PDK1: variants seen among roughly 807,000 people sequenced by gnomAD.
The protein encoded by PDK1 is pyruvate dehydrogenase kinase 1.
A neutral mutation model predicts 54.2 loss-of-function variants in PDK1; 39 were observed. The observed-to-expected ratio is 0.72, with a 90% CI of 0.56 to 0.94. The LOEUF is 0.94. PDK1 is among the 40% of genes least tolerant of loss of function. The pLI, the probability that PDK1 is intolerant of heterozygous loss-of-function variation, is 0.00. For synonymous variants in PDK1, 221 were observed against 207.1 expected, an observed-to-expected ratio of 1.07 and a Z score of -0.58; for missense variants, 552 against 566.0, an observed-to-expected ratio of 0.98 and a Z score of 0.25.
chr2:172,651,577 T>A, the PDK1 span, among the ~76,000 whole-genome samples: 1 of 152,028 alleles, frequency 6.6e-6, no homozygotes, highest in African/African-American at 2.4e-5. Flanking sequence ...CTAGCAAGAC[T>A]AATAAAGAAG....
rs1691249262 is a variant in PDK1 at position 172,605,274 on chromosome 2, C to G, written c.*9305C>G. ...TATGAACAGTCAAGGACACTGGAGG[C>G]CTCTGGGTGGGACACATAGGCGTTC... On this transcript the variant is annotated 3_prime_UTR_variant, in exon 11 of 11. Coordinates refer to ENST00000282077, the MANE Select transcript of PDK1 (RefSeq NM_002610.5). 1 of 151,996 alleles carries G rather than the reference C, an allele frequency of 6.6e-6. No individual in the cohort carries two copies. The highest frequency in any genetic ancestry group is 2.1e-4 in the South Asian group (1 of 4,816). The allele number at this position is 151,996 out of a possible 1,614,324, so 9.4% of individuals were successfully genotyped here.
At chr2:172,719,280 G>A in the PDK1 span, among the ~76,000 whole-genome samples, 36 of 152,254 alleles carry the variant, frequency 2.4e-4, 1 homozygote, top group South Asian at 7.5e-3. Context: ...AAATAGTCGT[G>A]TACAGGTTTT....
the PDK1 span, among the ~76,000 whole-genome samples, chr2:172,620,606 G>T: frequency 2.0e-5 from 3 of 152,156 alleles, no homozygotes; most frequent in African/African-American, 7.2e-5. Context: ...TATTGGAAGT[G>T]GGACTTAGTG....
At chr2:172,650,845 C>A in the PDK1 span, among the ~76,000 whole-genome samples, 1 of 152,152 alleles carries the variant, frequency 6.6e-6, no homozygotes, top group Admixed American at 6.5e-5. Context: ...TCCTTAGAGA[C>A]CTACAAAGAG....
chr2:172,561,906 C>T (rs1688673399), intron 2 of PDK1, among the ~76,000 whole-genome samples: 1 of 152,024 alleles, frequency 6.6e-6, no homozygotes, highest in African/African-American at 2.4e-5. Flanking sequence ...TCAGCATAAT[C>T]AGTATATATA....
chr2:172,610,281 A>G (rs1272193456), downstream of PDK1, among the ~76,000 whole-genome samples: 1 of 152,092 alleles, frequency 6.6e-6, no homozygotes, highest in East Asian at 1.9e-4. Flanking sequence ...TGCATGAATC[A>G]TCCCTCTTGT....
At chr2:172,613,889 C>G in the PDK1 span, among the ~76,000 whole-genome samples, 18 of 152,128 alleles carry the variant, frequency 1.2e-4, no homozygotes, top group South Asian at 3.5e-3. Context: ...GCCCCGCCCT[C>G]CTGGGCTCCT....
chr2:172,622,717 GAT>G, the PDK1 span, among the ~76,000 whole-genome samples: 2 of 119,746 alleles, frequency 1.7e-5, no homozygotes, highest in South Asian at 2.6e-4. Flanking sequence ...TATTATGTGA[GAT>G]ATGTTTATAT....
At chr2:172,641,074 T>A in the PDK1 span, among the ~76,000 whole-genome samples, 1 of 148,408 alleles carries the variant, frequency 6.7e-6, no homozygotes, top group Non-Finnish European at 1.5e-5. Context: ...TGTCTCTCTC[T>A]CTCTTTCCAT....
rs1007383042 is a variant in PDK1, at chr2:172,605,715, G to C, written c.*9746G>C. On this transcript the variant is annotated 3_prime_UTR_variant, in exon 11 of 11. Transcript: ENST00000282077. ...AGTCGGCACTGAGCTCATGAAAGCT[G>C]TGCTGAGTGGGTTTCTTTAGATTTT... 6.6e-6 allele frequency: 1 copy of C among 152,150 alleles called. No individual in the cohort carries two copies. The highest frequency in any genetic ancestry group is 2.4e-5 in the African/African-American group (1 of 41,432). The allele number at this position is 152,150 out of a possible 1,614,324, so 9.4% of individuals were successfully genotyped here.
At chr2:172,570,274 A>G (rs1052351358) in intron 7 of PDK1, among the ~76,000 whole-genome samples, 4 of 152,224 alleles carry the variant, frequency 2.6e-5, no homozygotes, top group Admixed American at 6.5e-5. Flanking sequence ...CTAGAGATAA[A>G]GGGATTCATT....
the PDK1 span, among the ~76,000 whole-genome samples, chr2:172,670,249 G>C: frequency 1.3e-5 from 2 of 152,098 alleles, no homozygotes; most frequent in Non-Finnish European, 2.9e-5. Flanking sequence ...ATTTTACACA[G>C]ATTTTAAAGA....
the PDK1 span, among the ~76,000 whole-genome samples, chr2:172,717,300 C>T: frequency 1.3e-5 from 2 of 152,258 alleles, no homozygotes; most frequent in South Asian, 4.1e-4. Context: ...ATGGCTGCAG[C>T]CTGGCTTGAC....
Position 172,601,157 on chromosome 2 carries a change from CAT to C in PDK1, c.*5189_*5190del, listed in dbSNP as rs1491253216. 1 of 152,092 alleles carries C rather than the reference CAT, an allele frequency of 6.6e-6. No homozygotes were observed. The highest frequency in any genetic ancestry group is 1.5e-5 in the Non-Finnish European group (1 of 68,008). The allele number at this position is 152,092 out of a possible 1,614,324, so 9.4% of individuals were successfully genotyped here. ...ACATAAGGAATAATGAACTTAATAA[CAT>C]TTTTTTCCATTCTCAAAATGATACT... On this transcript the variant is annotated 3_prime_UTR_variant, in exon 11 of 11. Coordinates refer to ENST00000282077, the MANE Select transcript of PDK1 (RefSeq NM_002610.5).
At chr2:172,677,988 G>A in the PDK1 span, among the ~76,000 whole-genome samples, 1 of 152,144 alleles carries the variant, frequency 6.6e-6, no homozygotes, top group African/African-American at 2.4e-5. Context: ...GGCCAACATG[G>A]TGAAACCCTG....
intron 7 of PDK1, among the ~76,000 whole-genome samples, chr2:172,570,037 G>C (rs11887454): frequency 0.16 from 24,812 of 152,168 alleles, 2,346 homozygotes; most frequent in African/African-American, 0.24. Flanking sequence ...GGAAATGATG[G>C]AATCTCCTCC....
At chr2:172,691,829 T>C in the PDK1 span, among the ~76,000 whole-genome samples, 1 of 152,258 alleles carries the variant, frequency 6.6e-6, no homozygotes, top group Non-Finnish European at 1.5e-5. Flanking sequence ...GAAGGACATC[T>C]TGGTTACTTA....
intron 8 of PDK1, among the ~76,000 whole-genome samples, chr2:172,586,031 C>T (rs557601770): frequency 6.3e-4 from 95 of 151,774 alleles, no homozygotes; most frequent in African/African-American, 2.2e-3. Context: ...TGGTGGCAGG[C>T]GCCTGTAGTC....
the PDK1 span, among the ~76,000 whole-genome samples, chr2:172,618,770 A>G: frequency 6.6e-6 from 1 of 152,190 alleles, no homozygotes; most frequent in Non-Finnish European, 1.5e-5. Context: ...GACCAAAGTA[A>G]GAAGCTTTCC....
Sources: gnomAD v4.1 joint callset for allele counts (sites outside exome capture counted in the v4.1 genomes callset) on GRCh38, gnomAD v4.1.1 for gene constraint, MANE v1.5 for transcripts, NCBI Gene and HGNC (gene_info 2026-07-23, HGNC 2026-07-21) for gene names.